The following ZNF407 variants were observed in gnomAD, a reference collection of about 807,000 sequenced individuals.
ZNF407 encodes zinc finger protein 407.
In ZNF407, 17 loss-of-function variants were observed where a neutral mutation model predicts 131.2. That is an observed-to-expected ratio of 0.13 (90% CI 0.09 to 0.19). The LOEUF is 0.19. ZNF407 is among the 10% of genes least tolerant of loss of function. The probability of loss-of-function intolerance (pLI) is 1.00; values close to 1 mark genes in which losing one functional copy is unlikely to be tolerated. For missense variants in ZNF407, 2,681 were observed against 2,830.6 expected (o/e 0.95, Z 1.20); for synonymous variants, 1,156 against 1,062.0 (o/e 1.09, Z -1.72).
At chr18:74,957,707 A>C (rs1029320842) in intron 8 of ZNF407, among the ~76,000 whole-genome samples, 2 of 152,130 alleles carry the variant, frequency 1.3e-5, no homozygotes, top group African/African-American at 4.8e-5. Flanking sequence ...CGTAATGGGA[A>C]GCTCTTTACA....
intron 8 of ZNF407, among the ~76,000 whole-genome samples, chr18:75,031,505 C>A (rs1373688046): frequency 1.3e-5 from 2 of 152,098 alleles, no homozygotes; most frequent in Non-Finnish European, 2.9e-5. Flanking sequence ...TGCTAGTTTG[C>A]GTTAGACAGA....
intron 7 of ZNF407, among the ~76,000 whole-genome samples, chr18:74,911,989 T>C (rs1318288070): frequency 6.6e-6 from 1 of 152,104 alleles, no homozygotes; most frequent in Non-Finnish European, 1.5e-5. Context: ...ACAGACCTGA[T>C]TGTTGCCAGT....
intron 3 of ZNF407, among the ~76,000 whole-genome samples, chr18:74,734,671 TTGTGTGTGTGTG>T (rs200073035): frequency 1.2e-4 from 16 of 138,880 alleles, no homozygotes; most frequent in Non-Finnish European, 1.6e-4. Flanking sequence ...GAGTTTCAAT[TTGTGTGTGTGTG>T]TGTGTGTGTG....
At chr18:75,045,827 T>TG (rs568149454) in intron 8 of ZNF407, among the ~76,000 whole-genome samples, 2 of 152,180 alleles carry the variant, frequency 1.3e-5, no homozygotes, top group African/African-American at 4.8e-5. Flanking sequence ...AAGTATGCAT[T>TG]GGGGGGAGGT....
At chr18:74,995,195 T>C (rs1395191820) in intron 8 of ZNF407, among the ~76,000 whole-genome samples, 1 of 152,114 alleles carries the variant, frequency 6.6e-6, no homozygotes, top group Non-Finnish European at 1.5e-5. Context: ...TCTGCGTGAC[T>C]GCAGGGGCAA....
rs752492278 is a variant in ZNF407 at position 75,064,198 on chromosome 18, C to T, written c.6477C>T (p.Ser2159=). 1 of 1,604,534 alleles carries T rather than the reference C, an allele frequency of 6.2e-7. No individual in the cohort carries two copies. Among genetic ancestry groups the T allele is most frequent in the East Asian group, 2.3e-5 (1 of 44,400 alleles). Residue 2159 remains serine (S), a synonymous_variant, in exon 9 of 9, where the codon TCC becomes TCT. Coordinates refer to ENST00000299687, the MANE Select transcript of ZNF407 (RefSeq NM_017757.3). ...TGGTCCAGGCCATGGTGCAGGAGTC[C>T]AGTGGCGGCTTCTCCGAGGGCACCA... ...EELVQAMVQE[S]SGGFSEGTTH...
At chr18:74,827,785 TC>T (rs1235487206) in intron 4 of ZNF407, among the ~76,000 whole-genome samples, 1 of 152,198 alleles carries the variant, frequency 6.6e-6, no homozygotes, top group Admixed American at 6.5e-5. Flanking sequence ...CACATTTACA[TC>T]TGTGTGTATT....
chr18:74,999,310 G>T (rs942079827), intron 8 of ZNF407, among the ~76,000 whole-genome samples: 2 of 94,966 alleles, frequency 2.1e-5, no homozygotes, highest in African/African-American at 8.5e-5. Context: ...TAACTAACCT[G>T]CACAATGTGC....
chr18:74,676,867 C>A (rs575683876), intron 3 of ZNF407, among the ~76,000 whole-genome samples: 1 of 152,142 alleles, frequency 6.6e-6, no homozygotes, highest in Non-Finnish European at 1.5e-5. Flanking sequence ...GTCTTTTCCA[C>A]AGTTTAGTAA....
chr18:74,917,922 C>G (rs761834769), intron 7 of ZNF407, among the ~76,000 whole-genome samples: 1 of 152,040 alleles, frequency 6.6e-6, no homozygotes, highest in Non-Finnish European at 1.5e-5. Context: ...TTTTTGTTTT[C>G]TCTCCCCAGT....
chr18:74,860,790 G>A (rs549624623), intron 4 of ZNF407, among the ~76,000 whole-genome samples: 2 of 152,138 alleles, frequency 1.3e-5, no homozygotes, highest in Non-Finnish European at 2.9e-5. Context: ...ACTGTGATAA[G>A]TCATTGGCAT....
At chr18:74,918,348 T>A (rs931594378) in intron 7 of ZNF407, among the ~76,000 whole-genome samples, 2 of 152,254 alleles carry the variant, frequency 1.3e-5, no homozygotes, top group African/African-American at 4.8e-5. Context: ...ACAGCCTGTG[T>A]AGCCAGCTCA....
chr18:74,621,116 AT>A (rs1983492870), intron 1 of ZNF407, among the ~76,000 whole-genome samples: 3 of 151,794 alleles, frequency 2.0e-5, no homozygotes, highest in African/African-American at 7.3e-5. Flanking sequence ...TATTATTATT[AT>A]TTTTTAATGT....
chr18:75,058,249 G>A (rs747036388), intron 8 of ZNF407, among the ~76,000 whole-genome samples: 4 of 152,120 alleles, frequency 2.6e-5, no homozygotes, highest in African/African-American at 9.7e-5. Context: ...GCAGCGAGCC[G>A]AACTCAAAAT....
chr18:74,912,604 T>TA (rs906378036), intron 7 of ZNF407, among the ~76,000 whole-genome samples: 2 of 152,224 alleles, frequency 1.3e-5, no homozygotes, highest in Non-Finnish European at 2.9e-5. Context: ...ACATTTAACT[T>TA]ACTGTAGGTT....
At chr18:74,620,971 C>G (rs1983486227) in intron 1 of ZNF407, among the ~76,000 whole-genome samples, 1 of 152,102 alleles carries the variant, frequency 6.6e-6, no homozygotes, top group Admixed American at 6.6e-5. Context: ...CGAGGCAGGC[C>G]CCTTGCTAAG....
At chr18:75,049,784 T>C (rs1221205176) in intron 8 of ZNF407, among the ~76,000 whole-genome samples, 1 of 152,214 alleles carries the variant, frequency 6.6e-6, no homozygotes, top group Non-Finnish European at 1.5e-5. Flanking sequence ...TATTTTTGTT[T>C]CTTTTCTCTA....
chr18:75,063,520 G>T lies in ZNF407; in HGVS notation c.5799G>T (p.Gln1933His). ...TGCCCGGACCCATCCTCCCCGAGCA[G>T]CTGGCTGATGGAGCCACCCAGGTGG... ...SVVPGPILPE[Q>H]LADGATQVVV... Residue 1933 changes from glutamine (Q) to histidine (H), a missense_variant, in exon 9 of 9, where the codon CAG becomes CAT. Gln to His is a conservative substitution (Grantham distance 24, BLOSUM62 0). Coordinates refer to ENST00000299687, the MANE Select transcript of ZNF407 (RefSeq NM_017757.3). This position sits in a 1 kb window ranked among gnomAD's most constrained non-coding sequence, Gnocchi z 6.6. 6.3e-7 allele frequency: 1 copy of T among 1,580,334 alleles called. No homozygotes were observed. The highest frequency in any genetic ancestry group is 1.8e-5 in the Admixed American group (1 of 54,900).
chr18:74,869,055 A>C (rs1971051793), intron 4 of ZNF407, among the ~76,000 whole-genome samples: 1 of 152,244 alleles, frequency 6.6e-6, no homozygotes, highest in Non-Finnish European at 1.5e-5. Flanking sequence ...TTGTGTAGTA[A>C]ATGTCCAAAG....
Sources: gnomAD v4.1 joint callset for allele counts (sites outside exome capture counted in the v4.1 genomes callset) on GRCh38, gnomAD v4.1.1 for gene constraint, Gnocchi (gnomAD v3.1) non-coding constraint, MANE v1.5 for transcripts, NCBI Gene and HGNC (gene_info 2026-07-23, HGNC 2026-07-21) for gene names.